Variants in STK3 observed in about 807,000 individuals in gnomAD.
STK3 encodes the protein serine/threonine kinase 3.
A neutral mutation model predicts 58.0 loss-of-function variants in STK3; 41 were observed. The ratio of observed to expected loss-of-function variants is 0.71; its 90% CI spans 0.55 to 0.92. The LOEUF is 0.92. STK3 is among the 40% of genes least tolerant of loss of function. The pLI is 0.00. For synonymous variants in STK3, 170 were observed against 191.0 expected (o/e 0.89, Z 0.91); for missense variants, 479 against 602.7 (o/e 0.79, Z 2.15).
At chr8:98,903,083 T>A (rs901811980) in intron 1 of STK3, among the ~76,000 whole-genome samples, 1 of 152,224 alleles carries the variant, frequency 6.6e-6, no homozygotes, top group Non-Finnish European at 1.5e-5. Context: ...TCTCCATCTT[T>A]CAGTGTGTTC....
intron 1 of STK3, among the ~76,000 whole-genome samples, chr8:98,815,461 A>G (rs1396265166): frequency 6.6e-6 from 1 of 152,244 alleles, no homozygotes; most frequent in Non-Finnish European, 1.5e-5. Flanking sequence ...GGAGAAATGG[A>G]TGATTCCAGA....
At chr8:98,639,797 C>A (rs764377994) in intron 6 of STK3, among the ~76,000 whole-genome samples, 1 of 152,080 alleles carries the variant, frequency 6.6e-6, no homozygotes, top group Admixed American at 6.6e-5. Context: ...AACAAAGACA[C>A]GCCTTTGTTC....
the STK3 span, among the ~76,000 whole-genome samples, chr8:98,361,747 G>A: frequency 6.6e-6 from 1 of 152,254 alleles, no homozygotes; most frequent in East Asian, 1.9e-4. Context: ...TTTCACCCCA[G>A]GCACACCAGC....
At chr8:98,461,509 T>C (rs1281974564) in intron 10 of STK3, among the ~76,000 whole-genome samples, 1 of 152,248 alleles carries the variant, frequency 6.6e-6, no homozygotes, top group Non-Finnish European at 1.5e-5. Flanking sequence ...TGTGAGGTAC[T>C]GTTCCAGTCA....
chr8:98,811,201 A>G (rs538045585), intron 1 of STK3, among the ~76,000 whole-genome samples: 40 of 152,338 alleles, frequency 2.6e-4, no homozygotes, highest in African/African-American at 9.4e-4. Flanking sequence ...CCAGCAGAAG[A>G]GAAAAAACTT....
intron 3 of STK3, among the ~76,000 whole-genome samples, chr8:98,751,329 A>G (rs1288391383): frequency 2.0e-5 from 3 of 152,230 alleles, no homozygotes; most frequent in Admixed American, 2.0e-4. Context: ...CTGTTTGCAG[A>G]TGACATGATC....
chr8:98,753,388 G>T (rs1587519469), intron 3 of STK3, among the ~76,000 whole-genome samples: 1 of 152,228 alleles, frequency 6.6e-6, no homozygotes, highest in East Asian at 1.9e-4. Flanking sequence ...ACCAAATACT[G>T]CATGTTCTCA....
intron 9 of STK3, among the ~76,000 whole-genome samples, chr8:98,543,370 C>A (rs1354364788): frequency 1.3e-5 from 2 of 152,020 alleles, no homozygotes; most frequent in Non-Finnish European, 1.5e-5. Context: ...GTGCTGAAAT[C>A]TGTATGGTGG....
At chr8:98,610,163 T>C (rs527488455) in intron 6 of STK3, among the ~76,000 whole-genome samples, 1 of 148,880 alleles carries the variant, frequency 6.7e-6, no homozygotes, top group Non-Finnish European at 1.5e-5. Flanking sequence ...CCAAAGGAAC[T>C]ATCTGGAATG....
intron 6 of STK3, among the ~76,000 whole-genome samples, chr8:98,684,854 C>T (rs1035262916): frequency 2.0e-5 from 3 of 152,128 alleles, no homozygotes; most frequent in Non-Finnish European, 4.4e-5. Flanking sequence ...TTGGACCACA[C>T]ATTTTTTAAC....
chr8:98,487,780 T>TA (rs1217927676), intron 10 of STK3, among the ~76,000 whole-genome samples: 1 of 152,196 alleles, frequency 6.6e-6, no homozygotes, highest in African/African-American at 2.4e-5. Flanking sequence ...CCCACTCTAG[T>TA]AGGCACTCAG....
intron 1 of STK3, among the ~76,000 whole-genome samples, chr8:98,386,280 C>A (rs1045393409): frequency 6.6e-6 from 1 of 152,114 alleles, no homozygotes; most frequent in African/African-American, 2.4e-5. Context: ...CAATTAATTG[C>A]AGCACTAGTT....
chr8:98,517,026 C>G (rs1335412299), intron 10 of STK3, among the ~76,000 whole-genome samples: 1 of 151,948 alleles, frequency 6.6e-6, no homozygotes, highest in Non-Finnish European at 1.5e-5. Context: ...TACTGCATAT[C>G]AAATTTCAAC....
chr8:98,923,232 T>C (rs567497944), intron 1 of STK3, among the ~76,000 whole-genome samples: 18 of 152,206 alleles, frequency 1.2e-4, no homozygotes, highest in Non-Finnish European at 2.4e-4. Flanking sequence ...ACAGTAATAA[T>C]GCAAATATTA....
At chr8:98,585,535 C>T (rs969658840) in intron 7 of STK3, among the ~76,000 whole-genome samples, 33 of 149,772 alleles carry the variant, frequency 2.2e-4, no homozygotes, top group Middle Eastern at 3.5e-3. Context: ...AGTGTGATGC[C>T]TCCAGCTTTG....
chr8:98,367,094 T>G (rs1817572328), downstream of STK3, among the ~76,000 whole-genome samples: 1 of 152,226 alleles, frequency 6.6e-6, no homozygotes, highest in East Asian at 1.9e-4. Context: ...ATTCTCTACC[T>G]CTACAATCTG....
At chr8:98,467,599 G>T (rs1466164699) in intron 10 of STK3, among the ~76,000 whole-genome samples, 1 of 151,336 alleles carries the variant, frequency 6.6e-6, no homozygotes, top group East Asian at 2.0e-4. Flanking sequence ...TAAATTTGCA[G>T]TTGAAGTAAA....
intron 1 of STK3, among the ~76,000 whole-genome samples, chr8:98,799,357 G>A (rs1291786648): frequency 6.6e-6 from 1 of 151,806 alleles, no homozygotes; most frequent in South Asian, 2.1e-4. Flanking sequence ...CAAGCAGAAA[G>A]GAAAGAGAGA....
At chr8:98,866,164 T>C (rs1244527593) in intron 3 of STK3, among the ~76,000 whole-genome samples, 1 of 152,250 alleles carries the variant, frequency 6.6e-6, no homozygotes, top group Non-Finnish European at 1.5e-5. Flanking sequence ...GCACCTCCTG[T>C]TGAGAGAGTG....
Sources: gnomAD v4.1 joint callset for allele counts (sites outside exome capture counted in the v4.1 genomes callset) on GRCh38, gnomAD v4.1.1 for gene constraint, MANE v1.5 for transcripts, NCBI Gene and HGNC (gene_info 2026-07-23, HGNC 2026-07-21) for gene names.